Variants in KLF8 observed in about 807,000 individuals in gnomAD.
KLF8 encodes KLF transcription factor 8, also known as Krueppel-like factor 8.
In KLF8, 10 loss-of-function variants were observed where a neutral mutation model predicts 18.2. The ratio of observed to expected loss-of-function variants is 0.55; its 90% CI spans 0.34 to 0.93. KLF8 has a LOEUF of 0.93. KLF8 is among the 40% of genes least tolerant of loss of function. The pLI, the probability that KLF8 is intolerant of heterozygous loss-of-function variation, is 0.02. For synonymous variants in KLF8, 109 were observed against 97.3 expected (o/e 1.12, Z -0.71); for missense variants, 264 against 277.9 (o/e 0.95, Z 0.36).
At chrX:56,150,934 G>C in the KLF8 span, among the ~76,000 whole-genome samples, 1 of 111,644 alleles carries the variant, frequency 9.0e-6, no homozygotes, top group South Asian at 3.7e-4. Context: ...TAAAATGGAT[G>C]ATTTGCCTTC....
At chrX:56,058,322 A>ATG in the KLF8 span, among the ~76,000 whole-genome samples, 1 of 66,659 alleles carries the variant, frequency 1.5e-5, no homozygotes, top group South Asian at 8.2e-4. Context: ...ATATATATAT[A>ATG]GTGAGTTTTA....
At chrX:56,180,122 G>C in the KLF8 span, among the ~76,000 whole-genome samples, 1 of 111,183 alleles carries the variant, frequency 9.0e-6, no homozygotes, top group Non-Finnish European at 1.9e-5. Flanking sequence ...GTCTGATCCT[G>C]GACTTTTTTT....
At chrX:56,044,279 G>A in the KLF8 span, among the ~76,000 whole-genome samples, 9 of 112,015 alleles carry the variant, frequency 8.0e-5, no homozygotes, top group East Asian at 5.6e-4. Flanking sequence ...GCAGTAAGGA[G>A]GAATGAGTTC....
the KLF8 span, among the ~76,000 whole-genome samples, chrX:55,943,003 G>A: frequency 8.9e-6 from 1 of 111,799 alleles, no homozygotes. Flanking sequence ...AGCTTAGATG[G>A]TAGCAGTGGA....
the KLF8 span, among the ~76,000 whole-genome samples, chrX:56,162,106 T>C: frequency 8.9e-6 from 1 of 111,790 alleles, no homozygotes; most frequent in Non-Finnish European, 1.9e-5. Context: ...GCAGCAAATG[T>C]TGCTGCCTGA....
At chrX:56,105,612 C>CGT in the KLF8 span, among the ~76,000 whole-genome samples, 1 of 107,546 alleles carries the variant, frequency 9.3e-6, no homozygotes, top group African/African-American at 3.4e-5. Flanking sequence ...TCTCTGCATG[C>CGT]GAGATGGGTC....
At chrX:56,271,019 A>G (rs779888854) in intron 5 of KLF8, among the ~76,000 whole-genome samples, 1 of 112,500 alleles carries the variant, frequency 8.9e-6, no homozygotes, top group South Asian at 3.7e-4. Flanking sequence ...ACAATAAAAA[A>G]ATACAAATTT....
chrX:55,947,217 G>A, the KLF8 span, among the ~76,000 whole-genome samples: 4 of 110,827 alleles, frequency 3.6e-5, no homozygotes, highest in East Asian at 5.6e-4. Flanking sequence ...ATTCACAATA[G>A]TAAAGACTTG....
chrX:56,260,813 C>T (rs1945052316), intron 2 of KLF8, among the ~76,000 whole-genome samples: 1 of 112,135 alleles, frequency 8.9e-6, no homozygotes, highest in South Asian at 3.7e-4. Flanking sequence ...CTGGAAGGTA[C>T]CTGTTTACAA....
the KLF8 span, among the ~76,000 whole-genome samples, chrX:56,171,104 C>A: frequency 8.9e-6 from 1 of 111,792 alleles, no homozygotes; most frequent in African/African-American, 3.2e-5. Flanking sequence ...AATAGTAAGT[C>A]TGTAGAAAAA....
the KLF8 span, among the ~76,000 whole-genome samples, chrX:56,130,120 CCTCCTGATT>C: frequency 9.0e-6 from 1 of 110,847 alleles, no homozygotes; most frequent in Non-Finnish European, 1.9e-5. Context: ...GCCTCGCCCA[CCTCCTGATT>C]CTCCTGATTC....
the KLF8 span, among the ~76,000 whole-genome samples, chrX:56,186,041 T>C: frequency 3.7e-4 from 42 of 112,122 alleles, 1 homozygote; most frequent in Non-Finnish European, 4.5e-4. Flanking sequence ...ACTTTAAATG[T>C]AAATGCACTA....
chrX:56,202,937 A>G, the KLF8 span, among the ~76,000 whole-genome samples: 1 of 111,173 alleles, frequency 9.0e-6, no homozygotes, highest in African/African-American at 3.3e-5. Context: ...TTTTGGGTAT[A>G]TACCCAGCAG....
intron 2 of KLF8, among the ~76,000 whole-genome samples, chrX:56,260,338 A>G (rs2066866438): frequency 8.9e-6 from 1 of 112,069 alleles, no homozygotes; most frequent in Admixed American, 9.5e-5. Context: ...TTTCCAATGT[A>G]CAGTACAATA....
the KLF8 span, among the ~76,000 whole-genome samples, chrX:56,092,223 CT>C: frequency 9.0e-6 from 1 of 111,317 alleles, no homozygotes; most frequent in Admixed American, 9.6e-5. Flanking sequence ...TATTAGTCCC[CT>C]GTTAGATAAA....
the KLF8 span, among the ~76,000 whole-genome samples, chrX:56,179,174 T>C: frequency 8.9e-6 from 1 of 112,236 alleles, no homozygotes; most frequent in Non-Finnish European, 1.9e-5. Flanking sequence ...CATTGAGCAG[T>C]TGTATGTAGT....
chrX:56,074,698 G>A, the KLF8 span: 1 of 168,110 alleles, frequency 5.9e-6, no homozygotes. Flanking sequence ...GACCTTTTTA[G>A]TAAGTTTTGA....
At chrX:55,934,732 A>G in the KLF8 span, among the ~76,000 whole-genome samples, 10 of 112,395 alleles carry the variant, frequency 8.9e-5, no homozygotes, top group African/African-American at 1.3e-4. Context: ...GCAAGGGATG[A>G]TGCCATTAAG....
the KLF8 span, among the ~76,000 whole-genome samples, chrX:55,959,604 C>A: frequency 8.9e-6 from 1 of 111,782 alleles, no homozygotes; most frequent in African/African-American, 3.3e-5. Flanking sequence ...TTTTAGAATG[C>A]AATTGGAAGC....
Sources: gnomAD v4.1 joint callset for allele counts (sites outside exome capture counted in the v4.1 genomes callset) on GRCh38, gnomAD v4.1.1 for gene constraint, MANE v1.5 for transcripts, NCBI Gene and HGNC (gene_info 2026-07-23, HGNC 2026-07-21) for gene names.